The following ZNF536 variants were observed in gnomAD, a reference collection of about 807,000 sequenced individuals.
ZNF536 encodes zinc finger protein 536.
Under a neutral mutation model 84.5 loss-of-function variants are expected in ZNF536, and 13 were observed. That is an observed-to-expected ratio of 0.15 (90% confidence interval 0.10 to 0.24). ZNF536 has a LOEUF of 0.24. Ranked by LOEUF, ZNF536 falls within the 10% of genes least tolerant of loss-of-function variation. The pLI is 1.00. For missense variants in ZNF536, 1,536 were observed against 1,747.5 expected (o/e 0.88, Z 2.16); for synonymous variants, 811 against 742.5 (o/e 1.09, Z -1.50).
At chr19:30,684,082 C>A (rs1049824953) in intron 1 of ZNF536, among the ~76,000 whole-genome samples, 2 of 152,044 alleles carry the variant, frequency 1.3e-5, no homozygotes, top group East Asian at 3.9e-4. Context: ...GGTCAAACCA[C>A]AAGTAAAAGA....
intron 2 of ZNF536, among the ~76,000 whole-genome samples, chr19:30,531,656 G>A (rs1293574233): frequency 1.3e-5 from 2 of 152,016 alleles, no homozygotes; most frequent in Non-Finnish European, 2.9e-5. Flanking sequence ...ACAGGGTCTT[G>A]CTGTGTTACC....
In ZNF536 at chr19:30,230,150, G is replaced by T. The variant is rs149211784; in HGVS notation, c.-190+1477G>T. On this transcript the variant is annotated intron_variant, in intron 1 of 5. Transcript: ENST00000585628. ...TCACTGCAAGTCAGCCGGATTTAGT[G>T]TTGATTTTTAACTAGTGTACAATGA... is the stretch of plus-strand genomic sequence containing the variant. Among the ~76,000 whole-genome samples the T allele has an allele frequency of 5.2e-3, 795 of 152,234 alleles. 1 individual carries two copies. Among genetic ancestry groups the T allele is most frequent in the Non-Finnish European group, 7.2e-3 (491 of 68,006 alleles).
At chr19:30,516,144 A>G (rs2044064642) in intron 2 of ZNF536, among the ~76,000 whole-genome samples, 1 of 152,164 alleles carries the variant, frequency 6.6e-6, no homozygotes, top group Admixed American at 6.6e-5. Context: ...ACAAGGGCAG[A>G]AGGGAAAATT....
chr19:30,415,284 C>CCTTCTTCTTCTTCTTCTTCTT (rs527266201), intron 1 of ZNF536, among the ~76,000 whole-genome samples: 45 of 120,186 alleles, frequency 3.7e-4, no homozygotes, highest in African/African-American at 1.2e-3. Flanking sequence ...TCCTCCTCCT[C>CCTTCTTCTTCTTCTTCTTCTT]CTTCTTCTTC....
At chr19:30,413,044 T>C (rs2050562412) in intron 1 of ZNF536, among the ~76,000 whole-genome samples, 1 of 152,124 alleles carries the variant, frequency 6.6e-6, no homozygotes. Flanking sequence ...TATTTTAAAA[T>C]GTGTTTTGTA....
chr19:30,517,967 C>T (rs563306939), intron 2 of ZNF536, among the ~76,000 whole-genome samples: 35 of 152,262 alleles, frequency 2.3e-4, no homozygotes, highest in Non-Finnish European at 4.3e-4. Context: ...GTGGGCACAG[C>T]GTGTACCTAC....
intron 2 of ZNF536, among the ~76,000 whole-genome samples, chr19:30,347,020 G>A (rs544181514): frequency 2.6e-5 from 4 of 151,678 alleles, no homozygotes; most frequent in African/African-American, 4.8e-5. Flanking sequence ...ATTTTTTGAC[G>A]TTTTAATAGC....
At chr19:30,652,548 G>A (rs2147469005) in intron 1 of ZNF536, among the ~76,000 whole-genome samples, 1 of 152,250 alleles carries the variant, frequency 6.6e-6, no homozygotes, top group African/African-American at 2.4e-5. Flanking sequence ...ATGGCAGCAG[G>A]CATTTCCACC....
chr19:30,485,893 C>G (rs1410177336), intron 2 of ZNF536, among the ~76,000 whole-genome samples: 1 of 151,832 alleles, frequency 6.6e-6, no homozygotes, highest in African/African-American at 2.4e-5. Flanking sequence ...GAAAGATGTT[C>G]TAAGCCTGCT....
intron 1 of ZNF536, among the ~76,000 whole-genome samples, chr19:30,570,482 C>T (rs80332451): frequency 0.013 from 1,943 of 152,254 alleles, 23 homozygotes; most frequent in Middle Eastern, 0.027. Context: ...GTAGATATTA[C>T]CACTTTAACT....
upstream of ZNF536, among the ~76,000 whole-genome samples, chr19:30,370,344 T>G (rs1411630471): frequency 6.6e-6 from 1 of 152,186 alleles, no homozygotes; most frequent in African/African-American, 2.4e-5. Context: ...GTACCTGATG[T>G]CAATAAAGGT....
intron 1 of ZNF536, among the ~76,000 whole-genome samples, chr19:30,638,731 G>T (rs1473597697): frequency 6.6e-6 from 1 of 152,194 alleles, no homozygotes; most frequent in African/African-American, 2.4e-5. Flanking sequence ...GGGAGAATTT[G>T]TCTGGGCTTC....
intron 1 of ZNF536, among the ~76,000 whole-genome samples, chr19:30,275,031 T>C (rs1341463687): frequency 2.6e-5 from 4 of 152,170 alleles, no homozygotes; most frequent in Non-Finnish European, 5.9e-5. Flanking sequence ...AGAATTGTCT[T>C]AGTTTTGTTG....
At chr19:30,293,408 G>A (rs192967281) in intron 2 of ZNF536, among the ~76,000 whole-genome samples, 7 of 152,294 alleles carry the variant, frequency 4.6e-5, no homozygotes, top group Non-Finnish European at 7.3e-5. Context: ...TCACCCATCA[G>A]TCCCAAGTAC....
chr19:30,409,718 T>C (rs1453070608), intron 1 of ZNF536, among the ~76,000 whole-genome samples: 2 of 152,266 alleles, frequency 1.3e-5, no homozygotes, highest in Non-Finnish European at 2.9e-5. Context: ...ATTATGACCC[T>C]GTCCCTTTCC....
chr19:30,270,499 C>G (rs912482899), intron 1 of ZNF536, among the ~76,000 whole-genome samples: 1 of 152,114 alleles, frequency 6.6e-6, no homozygotes, highest in African/African-American at 2.4e-5. Context: ...CACTGCCTGT[C>G]AAAAATAAAT....
chr19:30,460,663 T>C (rs554357326), intron 2 of ZNF536, among the ~76,000 whole-genome samples: 3 of 152,274 alleles, frequency 2.0e-5, no homozygotes, highest in African/African-American at 7.2e-5. Context: ...TATCCTTCCA[T>C]GTGGCCACTG....
At position 30,549,260 on chromosome 19, in the gene ZNF536, C is replaced by T. The variant is rs751918169; in HGVS notation, c.3641C>T (p.Thr1214Ile). 6.2e-7 allele frequency: 1 copy of T among 1,613,916 alleles called. No homozygotes were observed. The highest frequency in any genetic ancestry group is 2.2e-5 in the East Asian group (1 of 44,886). The stretch of plus-strand genomic sequence containing the variant: ...GGGGACAGCCTGCAGCCCACAGGCA[C>T]CTCCCAGCCCGTCCAGGGACTGGTC... ...DGGDSLQPTG[T>I]SQPVQGLVSP... The change falls in exon 4 of 5, where the codon ACC becomes ATC. Residue 1214 changes from threonine (T) to isoleucine (I), a missense_variant. Thr to Ile is a moderately conservative substitution (Grantham distance 89). This residue lies in a region of ZNF536 where 624 missense variants were observed against 603.1 expected (regional missense o/e 1.03). Transcript: ENST00000355537.
chr19:30,628,112 G>A (rs1187808615), intron 1 of ZNF536, among the ~76,000 whole-genome samples: 1 of 152,228 alleles, frequency 6.6e-6, no homozygotes, highest in Non-Finnish European at 1.5e-5. Context: ...GCCCCAGACA[G>A]TGATGAATCA....
Sources: gnomAD v4.1 joint callset for allele counts (sites outside exome capture counted in the v4.1 genomes callset) on GRCh38, gnomAD v4.1.1 for gene constraint, gnomAD v4.1.1 regional missense constraint, MANE v1.5 for transcripts, NCBI Gene and HGNC (gene_info 2026-07-23, HGNC 2026-07-21) for gene names.